RGS7: variants seen among roughly 807,000 people sequenced by gnomAD.
RGS7 encodes the protein regulator of G protein signaling 7.
Under a neutral mutation model 81.1 loss-of-function variants are expected in RGS7, and 27 were observed. The observed-to-expected ratio is 0.33, with a 90% confidence interval of 0.25 to 0.46. The LOEUF (loss-of-function observed/expected upper bound fraction) is 0.46, where lower values mean the gene tolerates loss of function less well. Ranked by LOEUF, RGS7 falls within the 20% of genes least tolerant of loss-of-function variation. The probability of loss-of-function intolerance (pLI) is 1.00; values close to 1 mark genes in which losing one functional copy is unlikely to be tolerated. For synonymous variants in RGS7, 208 were observed against 207.7 expected (o/e 1.00, Z -0.01); for missense variants, 396 against 607.4 (o/e 0.65, Z 3.66).
chr1:240,930,520 C>T (rs1029797259), intron 6 of RGS7, among the ~76,000 whole-genome samples, 197 bp downstream of exon 6: 4 of 152,056 alleles, frequency 2.6e-5, no homozygotes, highest in African/African-American at 9.7e-5. Context: ...GCAGAGGGCA[C>T]CATACCACAG....
intron 2 of RGS7, among the ~76,000 whole-genome samples, chr1:241,255,336 A>G (rs974448445): frequency 6.6e-6 from 1 of 152,222 alleles, no homozygotes; most frequent in African/African-American, 2.4e-5. Context: ...ACTGGCATTA[A>G]TCATCACCTA....
At chr1:240,878,614 T>C (rs75120239) in intron 6 of RGS7, among the ~76,000 whole-genome samples, 202 of 151,680 alleles carry the variant, frequency 1.3e-3, no homozygotes, top group African/African-American at 4.6e-3. Context: ...TAAAAACTAA[T>C]GTTAGGTATA....
chr1:241,104,832 T>C (rs935093344), intron 2 of RGS7, among the ~76,000 whole-genome samples: 1 of 152,220 alleles, frequency 6.6e-6, no homozygotes, highest in Non-Finnish European at 1.5e-5. Flanking sequence ...ATTCTTACCT[T>C]ACTCATCTTT....
intron 6 of RGS7, among the ~76,000 whole-genome samples, chr1:240,894,909 G>A (rs1231038773): frequency 6.6e-6 from 1 of 152,118 alleles, no homozygotes; most frequent in African/African-American, 2.4e-5. Flanking sequence ...TTTTCCAGGT[G>A]ATATAGTTTG....
chr1:240,778,513 G>A (rs903203778), intron 18 of RGS7, among the ~76,000 whole-genome samples: 5 of 152,074 alleles, frequency 3.3e-5, no homozygotes, highest in African/African-American at 1.2e-4. Flanking sequence ...TCTGAGAGTA[G>A]AAGATATTAA....
At chr1:240,931,025 C>T (rs1036209079) in intron 5 of RGS7, among the ~76,000 whole-genome samples, 1 of 152,078 alleles carries the variant, frequency 6.6e-6, no homozygotes, top group African/African-American at 2.4e-5. Context: ...TAATTTTACA[C>T]CAACTGACAT....
intron 2 of RGS7, among the ~76,000 whole-genome samples, chr1:241,176,505 A>G (rs757887905): frequency 5.9e-5 from 9 of 152,162 alleles, no homozygotes; most frequent in Non-Finnish European, 1.2e-4. Context: ...TTAGTTGCCT[A>G]GAAGAGTCTT....
At chr1:240,985,928 C>T (rs1004514874) in intron 3 of RGS7, among the ~76,000 whole-genome samples, 3 of 150,856 alleles carry the variant, frequency 2.0e-5, no homozygotes, top group Admixed American at 6.6e-5. Flanking sequence ...GCCACCTTTA[C>T]AGCAATTTTC....
intron 2 of RGS7, among the ~76,000 whole-genome samples, chr1:241,299,625 T>C (rs2079614443): frequency 6.6e-6 from 1 of 151,826 alleles, no homozygotes; most frequent in South Asian, 2.1e-4. Context: ...GACTATGAAA[T>C]CTAATCCACT....
chr1:240,805,222 A>AC (rs1338150426), intron 15 of RGS7, among the ~76,000 whole-genome samples: 1 of 151,596 alleles, frequency 6.6e-6, no homozygotes, highest in Non-Finnish European at 1.5e-5. Context: ...CTACAAAAAA[A>AC]AATAAAAAAA....
At chr1:241,124,186 G>A (rs765531837) in intron 2 of RGS7, among the ~76,000 whole-genome samples, 5 of 151,494 alleles carry the variant, frequency 3.3e-5, no homozygotes, top group African/African-American at 4.9e-5. Context: ...TTGAGACCAG[G>A]AGTTCAAGAT....
At chr1:240,890,359 G>A (rs116561125) in intron 6 of RGS7, among the ~76,000 whole-genome samples, 383 of 152,162 alleles carry the variant, frequency 2.5e-3, no homozygotes, top group African/African-American at 8.6e-3. Flanking sequence ...CACTATGTTG[G>A]CCCAAATGGT....
At chr1:240,942,009 G>A (rs1677669197) in intron 4 of RGS7, among the ~76,000 whole-genome samples, 1 of 151,910 alleles carries the variant, frequency 6.6e-6, no homozygotes, top group African/African-American at 2.4e-5. Flanking sequence ...TTATTTTTTT[G>A]TTTGGATATT....
intron 2 of RGS7, among the ~76,000 whole-genome samples, chr1:241,309,176 C>A (rs1274573241): frequency 6.6e-6 from 1 of 151,976 alleles, no homozygotes; most frequent in Admixed American, 6.6e-5. Context: ...CACCTGAGGT[C>A]AGGAGTTCGA....
chr1:240,784,008 T>G (rs1294846427), intron 18 of RGS7, among the ~76,000 whole-genome samples: 2 of 116,218 alleles, frequency 1.7e-5, no homozygotes, highest in Non-Finnish European at 3.5e-5. Context: ...AAACCCTGTC[T>G]CTACTAAAAA....
intron 4 of RGS7, among the ~76,000 whole-genome samples, chr1:240,939,484 G>A (rs187166309): frequency 6.6e-6 from 1 of 152,190 alleles, no homozygotes; most frequent in African/African-American, 2.4e-5. Context: ...AATGGTAAGA[G>A]GATCTAGAAA....
In RGS7 at chr1:241,072,027, C is replaced by G. The variant is rs542336196; in HGVS notation, c.175+26639G>C. On this transcript the variant is annotated intron_variant, in intron 3 of 18. Coordinates refer to ENST00000440928, the MANE Select transcript of RGS7 (RefSeq NM_001364886.1). ...GTTGGAATTATTAGTTTTTCAGAAACAGAGAGAGCTGGAAAGCCATCTTTA... is the reference window on the plus strand; with the variant it reads ...GTTGGAATTATTAGTTTTTCAGAAAGAGAGAGAGCTGGAAAGCCATCTTTA... 4.6e-5 allele frequency among the ~76,000 whole-genome samples: 7 copies of G among 152,096 alleles called. No homozygotes were observed. The South Asian group carries it at 1.2e-3, about 27-fold the overall frequency.
At chr1:241,123,430 C>T (rs2066426293) in intron 2 of RGS7, among the ~76,000 whole-genome samples, 1 of 152,152 alleles carries the variant, frequency 6.6e-6, no homozygotes, top group Admixed American at 6.5e-5. Context: ...CCCTAAGATA[C>T]AATCACTCAA....
In RGS7 at chr1:241,028,883, G is replaced by T. The variant is rs145141382; in HGVS notation, c.176-45754C>A. On this transcript the variant is annotated intron_variant, in intron 3 of 18. Transcript: ENST00000440928. Reference sequence around the variant, plus strand: ...ACTACCAAGGCCACCTGTTGACACAGAAGACCCAAAGGGAATGCGAACTGG... The same window carrying T: ...ACTACCAAGGCCACCTGTTGACACATAAGACCCAAAGGGAATGCGAACTGG... 2.3e-3 allele frequency among the ~76,000 whole-genome samples: 350 copies of T among 152,242 alleles called. 2 individuals carry two copies. Among genetic ancestry groups the T allele is most frequent in the Non-Finnish European group, 4.0e-3 (272 of 68,014 alleles).
Sources: gnomAD v4.1 joint callset for allele counts (sites outside exome capture counted in the v4.1 genomes callset) on GRCh38, gnomAD v4.1.1 for gene constraint, MANE v1.5 for transcripts, NCBI Gene and HGNC (gene_info 2026-07-23, HGNC 2026-07-21) for gene names.